The following ATP8A2 variants were observed in gnomAD, a reference collection of about 807,000 sequenced individuals.
ATP8A2 encodes the protein phospholipid-transporting ATPase IB.
In ATP8A2, 100 loss-of-function variants were observed where a neutral mutation model predicts 165.6. The ratio of observed to expected loss-of-function variants is 0.60; its 90% CI spans 0.51 to 0.71. ATP8A2 has a LOEUF of 0.71. Among genes scored for constraint, ATP8A2 ranks in the 30% least tolerant of loss-of-function variants. ATP8A2 has a pLI of 0.00. For synonymous variants in ATP8A2, 543 were observed against 548.8 expected (o/e 0.99, Z 0.15); for missense variants, 1,227 against 1,479.5 (o/e 0.83, Z 2.80).
At chr13:25,821,300 G>A (rs962570641) in intron 27 of ATP8A2, among the ~76,000 whole-genome samples, 1 of 152,262 alleles carries the variant, frequency 6.6e-6, no homozygotes, top group South Asian at 2.1e-4. Flanking sequence ...TGTCAACAAG[G>A]TCAGTTCATG....
intron 1 of ATP8A2, among the ~76,000 whole-genome samples, chr13:25,398,038 A>T (rs1207515033): frequency 6.6e-6 from 1 of 152,188 alleles, no homozygotes; most frequent in Non-Finnish European, 1.5e-5. Flanking sequence ...AATAGATGGT[A>T]AATGTCTCTT....
intron 2 of ATP8A2, among the ~76,000 whole-genome samples, chr13:25,485,508 A>G (rs2036323668): frequency 6.6e-6 from 1 of 152,234 alleles, no homozygotes; most frequent in African/African-American, 2.4e-5. Flanking sequence ...CTTATAATTC[A>G]CTGGGCCTAC....
In ATP8A2 at chr13:25,581,863, A is replaced by T; in HGVS notation, c.2052A>T (p.Gln684His). 1 of 1,614,126 alleles carries T rather than the reference A, an allele frequency of 6.2e-7. No individual in the cohort carries two copies. The highest frequency in any genetic ancestry group is 8.5e-7 in the Non-Finnish European group (1 of 1,179,962). ...LGATAIEDRL[Q>H]AGVPETIATL... ...CCACAGCCATAGAAGATCGCCTTCAAGCAGGAGTTCCAGAAACCATCGCAA... is the reference window on the plus strand; with the variant it reads ...CCACAGCCATAGAAGATCGCCTTCATGCAGGAGTTCCAGAAACCATCGCAA... The change falls in exon 23 of 37, where the codon CAA becomes CAT. Residue 684 changes from glutamine to histidine, a missense_variant. Around this residue, in one of 5 missense-constraint regions of ATP8A2, gnomAD observed 592 missense variants for 785.6 expected, o/e 0.75. Coordinates refer to ENST00000381655, the MANE Select transcript of ATP8A2 (RefSeq NM_016529.6).
intron 25 of ATP8A2, among the ~76,000 whole-genome samples, chr13:25,727,311 TG>T (rs1465295348): frequency 6.6e-6 from 1 of 152,222 alleles, no homozygotes; most frequent in Non-Finnish European, 1.5e-5. Context: ...GAGAGTTTTT[TG>T]GGGTTGTTTG....
At chr13:25,946,324 A>C (rs886671877) in intron 33 of ATP8A2, among the ~76,000 whole-genome samples, 1 of 152,172 alleles carries the variant, frequency 6.6e-6, no homozygotes, top group East Asian at 1.9e-4. Context: ...CAAATCTGAG[A>C]TACAGATTGA....
In ATP8A2 at chr13:25,450,589, T is replaced by G. The variant is rs554390452; in HGVS notation, c.77-18388T>G. 9.8e-5 allele frequency among the ~76,000 whole-genome samples: 15 copies of G among 152,300 alleles called. No individual in the cohort carries two copies. The South Asian group carries it at 2.7e-3, about 27-fold the overall frequency. On this transcript the variant is annotated intron_variant, in intron 1 of 36. Transcript: ENST00000381655. ...CTCTGTCGCCCAGGCTGGAGTGCAG[T>G]GGTGTGATCTCGGCTCACTGCAAGC...
intron 24 of ATP8A2, among the ~76,000 whole-genome samples, chr13:25,672,807 A>G (rs1189512769): frequency 1.3e-5 from 2 of 152,116 alleles, no homozygotes; most frequent in Non-Finnish European, 2.9e-5. Flanking sequence ...CTTGCATGTG[A>G]TAGCTATTAA....
intron 24 of ATP8A2, among the ~76,000 whole-genome samples, chr13:25,606,378 T>C (rs1306711644): frequency 6.6e-6 from 1 of 152,232 alleles, no homozygotes; most frequent in Non-Finnish European, 1.5e-5. Context: ...TTTAAGAACA[T>C]GTTGAAGAAG....
chr13:25,479,200 A>G (rs1266395434), intron 2 of ATP8A2, among the ~76,000 whole-genome samples: 3 of 152,228 alleles, frequency 2.0e-5, no homozygotes, highest in East Asian at 1.9e-4. Flanking sequence ...ATTGGTATAC[A>G]TGTGCTATCA....
chr13:25,880,357 T>C (rs985901405), intron 33 of ATP8A2, among the ~76,000 whole-genome samples: 2 of 135,574 alleles, frequency 1.5e-5, no homozygotes, highest in African/African-American at 5.6e-5. Context: ...TTTCACAGGA[T>C]ACTGTCCAGT....
intron 30 of ATP8A2, among the ~76,000 whole-genome samples, chr13:25,854,858 A>G (rs896973264): frequency 6.6e-6 from 1 of 152,174 alleles, no homozygotes; most frequent in Non-Finnish European, 1.5e-5. Flanking sequence ...AAAGTATGCA[A>G]TTCTATGGTT....
chr13:25,879,526 G>A (rs1356873386), intron 33 of ATP8A2, among the ~76,000 whole-genome samples: 4 of 152,162 alleles, frequency 2.6e-5, no homozygotes, highest in Non-Finnish European at 4.4e-5. Flanking sequence ...AGGCTACTTC[G>A]GACCACCTGA....
intron 24 of ATP8A2, among the ~76,000 whole-genome samples, chr13:25,679,821 C>T (rs1462122912): frequency 1.3e-5 from 2 of 152,078 alleles, no homozygotes; most frequent in Non-Finnish European, 2.9e-5. Context: ...GTGTCTTTCT[C>T]CTTTGATGCT....
chr13:25,805,167 G>A (rs920983454), intron 27 of ATP8A2, among the ~76,000 whole-genome samples: 1 of 151,808 alleles, frequency 6.6e-6, no homozygotes, highest in Non-Finnish European at 1.5e-5. Context: ...GATACTTGGA[G>A]TTAGCTTATT....
chr13:25,502,550 C>G (rs1381216745), intron 2 of ATP8A2, among the ~76,000 whole-genome samples: 5 of 152,188 alleles, frequency 3.3e-5, no homozygotes, highest in Non-Finnish European at 7.3e-5. Flanking sequence ...TGAAACATGC[C>G]TCTGTCACTT....
At chr13:25,885,220 C>A (rs1953108165) in intron 33 of ATP8A2, among the ~76,000 whole-genome samples, 1 of 145,724 alleles carries the variant, frequency 6.9e-6, no homozygotes, top group Admixed American at 7.2e-5. Context: ...TCAAGCAATT[C>A]TCTTGCCTCA....
chr13:25,540,524 G>T, intron 8 of ATP8A2, 136 bp downstream of exon 8: 1 of 678,236 alleles, frequency 1.5e-6, no homozygotes, highest in South Asian at 1.8e-5. Context: ...TCTATGGGAA[G>T]AATATGCCAT....
At chr13:25,812,643 C>T (rs999858854) in intron 27 of ATP8A2, among the ~76,000 whole-genome samples, 4 of 150,586 alleles carry the variant, frequency 2.7e-5, no homozygotes, top group African/African-American at 9.8e-5. Context: ...GTAAGATTTC[C>T]ATTTACCATT....
chr13:25,697,213 G>T (rs926390194), intron 24 of ATP8A2, among the ~76,000 whole-genome samples: 2 of 152,232 alleles, frequency 1.3e-5, no homozygotes, highest in African/African-American at 4.8e-5. Flanking sequence ...ATGATGGCAT[G>T]TATTCACTGC....
Sources: allele counts gnomAD v4.1 joint callset (sites outside exome capture counted in the v4.1 genomes callset), GRCh38; gene constraint gnomAD v4.1.1; regional missense constraint gnomAD v4.1.1; transcripts MANE v1.5; gene names NCBI Gene and HGNC (gene_info 2026-07-23, HGNC 2026-07-21).